UBXN4: variants seen among roughly 807,000 people sequenced by gnomAD.
The protein encoded by UBXN4 is UBX domain-containing protein 4.
UBXN4 carries 35 observed loss-of-function variants against 66.2 expected under a neutral mutation model. That is an observed-to-expected ratio of 0.53 (90% CI 0.40 to 0.70). The LOEUF (loss-of-function observed/expected upper bound fraction) is 0.70. Among genes scored for constraint, UBXN4 ranks in the 30% least tolerant of loss-of-function variants. UBXN4 has a pLI of 0.00. For synonymous variants in UBXN4, 203 were observed against 204.5 expected (o/e 0.99, Z 0.06); for missense variants, 533 against 599.8 (o/e 0.89, Z 1.16).
Position 135,783,432 on chromosome 2 carries a change from A to G in UBXN4, c.*545A>G, listed in dbSNP as rs951942674. On this transcript the variant is annotated 3_prime_UTR_variant, in exon 13 of 13. Coordinates refer to ENST00000272638, the MANE Select transcript of UBXN4 (RefSeq NM_014607.4). ...TTGGAATGATCTTAGTTTTGCTTTGAGTTTTGTTATCTAGCATCTTTTTGT... is the reference window on the plus strand; with the variant it reads ...TTGGAATGATCTTAGTTTTGCTTTGGGTTTTGTTATCTAGCATCTTTTTGT... 6.6e-6 allele frequency: 1 copy of G among 152,166 alleles called. No individual in the cohort carries two copies. The highest frequency in any genetic ancestry group is 2.4e-5 in the African/African-American group (1 of 41,402). The allele number at this position is 152,166 out of a possible 1,614,324, so 9.4% of individuals were successfully genotyped here.
chr2:135,768,684 C>T (rs1331476331), intron 6 of UBXN4, among the ~76,000 whole-genome samples: 2 of 151,988 alleles, frequency 1.3e-5, no homozygotes, highest in African/African-American at 4.8e-5. Context: ...CTGTCTCAGC[C>T]TCCCGAGTAG....
At chr2:135,768,513 G>C (rs2077361210) in intron 6 of UBXN4, among the ~76,000 whole-genome samples, 1 of 151,142 alleles carries the variant, frequency 6.6e-6, no homozygotes, top group Non-Finnish European at 1.5e-5. Context: ...ATTAGTTTTT[G>C]AGATGGGGTT....
rs2304602 is a variant in UBXN4, at chr2:135,780,371, C to G, written c.1374C>G (p.Ser458Arg). 7.1e-4 allele frequency: 1,145 copies of G among 1,613,540 alleles called. 18 individuals carry two copies. The East Asian group carries it at 0.019, about 27-fold the overall frequency. Residue 458 changes from serine (S) to arginine (R), a missense_variant, in exon 12 of 13, where the codon AGC becomes AGG. Coordinates refer to ENST00000272638, the MANE Select transcript of UBXN4 (RefSeq NM_014607.4). ...AACCCCCAAACCCTGCATCATCTAG[C>G]AAATCAGAAAAAAGGTATCTGTGTG... ...SSEPPNPASS[S>R]KSEKREPVRK...
At chr2:135,761,982 A>T (rs1236031344) in intron 6 of UBXN4, 71 bp downstream of exon 6, 6 of 1,431,146 alleles carry the variant, frequency 4.2e-6, no homozygotes, top group Non-Finnish European at 5.7e-6. Flanking sequence ...CATTAATTTG[A>T]ATTAAAGCTA....
chr2:135,745,138 GT>G lies in UBXN4; in HGVS notation c.83-3127del, dbSNP rs2105489677. 2.0e-5 allele frequency among the ~76,000 whole-genome samples: 3 copies of G among 152,336 alleles called. No individual in the cohort carries two copies. In the South Asian group the frequency reaches 6.2e-4, roughly 32 times the overall value. The stretch of plus-strand genomic sequence containing the variant: ...TGCCTAAACCTGTGTTTCTCCCAGT[GT>G]TCTGCATCTGATTGGCACTACCATA... On this transcript the variant is annotated intron_variant, in intron 1 of 12. Coordinates refer to ENST00000272638, the MANE Select transcript of UBXN4 (RefSeq NM_014607.4).
At chr2:135,772,361 A>G (rs2077388207) in intron 8 of UBXN4, 59 bp from the exon 9 acceptor site, 1 of 1,579,170 alleles carries the variant, frequency 6.3e-7, no homozygotes, top group Non-Finnish European at 8.6e-7. Flanking sequence ...TTTGTTTGGA[A>G]TTGTGTGAAT....
intron 11 of UBXN4, among the ~76,000 whole-genome samples, chr2:135,779,860 A>T (rs1307956849): frequency 1.7e-5 from 2 of 116,524 alleles, no homozygotes; most frequent in African/African-American, 5.5e-5. Flanking sequence ...TAAAATAATT[A>T]TATAAAATAA....
intron 2 of UBXN4, among the ~76,000 whole-genome samples, chr2:135,751,189 A>T (rs1383522729): frequency 3.3e-5 from 4 of 122,822 alleles, no homozygotes; most frequent in East Asian, 2.4e-4. Flanking sequence ...ACTTTTTTTT[A>T]TTTTTTATTT....
rs1263115414 is a variant in UBXN4, at chr2:135,756,486, C to T, written c.508+795C>T. On this transcript the variant is annotated intron_variant, in intron 5 of 12. Coordinates refer to ENST00000272638, the MANE Select transcript of UBXN4 (RefSeq NM_014607.4). ...AACTTCCTGTTAACATTAATGCTGC[C>T]TTGTGGAGTTACACATGACAGGTTT... Among the ~76,000 whole-genome samples, 4 of 152,120 alleles carry T rather than the reference C, an allele frequency of 2.6e-5. No homozygotes were observed. The East Asian group carries it at 7.7e-4, about 29-fold the overall frequency.
In UBXN4 at chr2:135,754,140, A is replaced by G; in HGVS notation, c.215-19A>G. The G allele has an allele frequency of 1.3e-6, 2 of 1,541,996 alleles. No homozygotes were observed. The highest frequency in any genetic ancestry group is 1.8e-6 in the Non-Finnish European group (2 of 1,129,684). ...CCTTTCGTTTCACATGAATTGTTAGACTTCATTAAACTGTACAGATCCTGT... is the reference window on the plus strand; with the variant it reads ...CCTTTCGTTTCACATGAATTGTTAGGCTTCATTAAACTGTACAGATCCTGT... On this transcript the variant is annotated intron_variant, in intron 3 of 12. Coordinates refer to ENST00000272638, the MANE Select transcript of UBXN4 (RefSeq NM_014607.4).
At chr2:135,771,494 GAAA>G (rs772340730) in intron 8 of UBXN4, among the ~76,000 whole-genome samples, 1 of 151,746 alleles carries the variant, frequency 6.6e-6, no homozygotes, top group Non-Finnish European at 1.5e-5. Flanking sequence ...AAGAAAGAAA[GAAA>G]AAAAGCCATC....
At chr2:135,753,510 T>C (rs1439478978) in intron 2 of UBXN4, 29 bp from the exon 3 acceptor site, 2 of 1,516,478 alleles carry the variant, frequency 1.3e-6, no homozygotes. Context: ...TGCATTCATC[T>C]AGTGATTTTG....
chr2:135,770,486 T>C, intron 7 of UBXN4, 85 bp from the exon 8 acceptor site: 1 of 909,654 alleles, frequency 1.1e-6, no homozygotes, highest in Non-Finnish European at 1.6e-6. Flanking sequence ...TTTTATTCTT[T>C]TAACTGCAGT....
At chr2:135,745,875 C>CTTTTTTTTTTTTTTTTTTTTTTTTTT (rs59946844) in intron 1 of UBXN4, among the ~76,000 whole-genome samples, 1 of 74,398 alleles carries the variant, frequency 1.3e-5, no homozygotes, top group African/African-American at 5.1e-5. Flanking sequence ...GTCCCGTTTA[C>CTTTTTTTTTTTTTTTTTTTTTTTTTT]TTTTTTTTTT....
At chr2:135,779,196 C>A in intron 11 of UBXN4, 117 bp downstream of exon 11, 1 of 1,066,950 alleles carries the variant, frequency 9.4e-7, no homozygotes, top group South Asian at 3.3e-5. Flanking sequence ...AATTAAAATT[C>A]AAGTGATCCA....
intron 6 of UBXN4, among the ~76,000 whole-genome samples, chr2:135,768,531 G>T (rs1382561937): frequency 7.3e-5 from 11 of 150,808 alleles, no homozygotes; most frequent in African/African-American, 4.9e-5. Context: ...GTTTCATTAC[G>T]TTGCATTACA....
chr2:135,771,973 T>C (rs1288464782), intron 8 of UBXN4, among the ~76,000 whole-genome samples: 1 of 152,188 alleles, frequency 6.6e-6, no homozygotes, highest in African/African-American at 2.4e-5. Context: ...CGACAGTTGA[T>C]AAAACTAAAA....
At chr2:135,765,942 C>T (rs1223640304) in intron 6 of UBXN4, among the ~76,000 whole-genome samples, 1 of 152,044 alleles carries the variant, frequency 6.6e-6, no homozygotes. Context: ...CAACTGAGGT[C>T]AGGAGTTCGA....
Position 135,748,294 on chromosome 2 carries a change from C to A in UBXN4, c.110C>A (p.Ala37Asp), listed in dbSNP as rs1369597936. 1 of 1,606,748 alleles carries A rather than the reference C, an allele frequency of 6.2e-7. No individual in the cohort carries two copies. Among genetic ancestry groups the A allele is most frequent in the African/African-American group, 1.3e-5 (1 of 74,716 alleles). The stretch of plus-strand genomic sequence containing the variant: ...GATGATGAACAGTCTACACAGATGG[C>A]TGCAAGTTGGGAAGATGATAAAGTT... ...AGDDEQSTQM[A>D]ASWEDDKVTE... is the part of the protein sequence containing the mutation. Residue 37 changes from alanine (A) to aspartate (D), a missense_variant, in exon 2 of 13, where the codon GCT (alanine) becomes GAT (aspartate). Physicochemically the swap from Ala to Asp is moderately radical, Grantham distance 126. Around this residue, in one of 2 missense-constraint regions of UBXN4, gnomAD observed 529 missense variants for 580.1 expected, o/e 0.91. Coordinates refer to ENST00000272638, the MANE Select transcript of UBXN4 (RefSeq NM_014607.4).
Sources: gnomAD v4.1 joint callset for allele counts (sites outside exome capture counted in the v4.1 genomes callset) on GRCh38, gnomAD v4.1.1 for gene constraint, gnomAD v4.1.1 regional missense constraint, MANE v1.5 for transcripts, NCBI Gene and HGNC (gene_info 2026-07-23, HGNC 2026-07-21) for gene names.